The following ARHGEF3 variants were observed in gnomAD, a reference collection of about 807,000 sequenced individuals.
ARHGEF3 encodes the protein 59.8 kDA protein.
A neutral mutation model predicts 63.2 loss-of-function variants in ARHGEF3; 28 were observed. That is an observed-to-expected ratio of 0.44 (90% CI 0.33 to 0.61). The LOEUF (loss-of-function observed/expected upper bound fraction) is 0.61. ARHGEF3 is among the 20% of genes least tolerant of loss of function. The pLI is 0.03. For synonymous variants in ARHGEF3, 266 were observed against 254.2 expected (o/e 1.05, Z -0.44); for missense variants, 533 against 659.3 (o/e 0.81, Z 2.10).
intron 2 of ARHGEF3, among the ~76,000 whole-genome samples, chr3:56,771,587 T>A (rs1392307058): frequency 6.6e-6 from 1 of 152,144 alleles, no homozygotes; most frequent in East Asian, 1.9e-4. Context: ...GCTGCCTAGG[T>A]CTAGCTCATT....
intron 3 of ARHGEF3, among the ~76,000 whole-genome samples, chr3:56,924,396 TTAC>T (rs1469848917): frequency 6.6e-6 from 1 of 152,176 alleles, no homozygotes; most frequent in East Asian, 1.9e-4. Context: ...AGTCTCTGTG[TTAC>T]AGGAAAGGGG....
At chr3:56,947,988 T>C (rs1444741927) in intron 3 of ARHGEF3, among the ~76,000 whole-genome samples, 1 of 151,924 alleles carries the variant, frequency 6.6e-6, no homozygotes, top group Non-Finnish European at 1.5e-5. Flanking sequence ...TCAAAACCGC[T>C]CAACTACATG....
At chr3:56,939,528 C>A (rs560550003) in intron 3 of ARHGEF3, among the ~76,000 whole-genome samples, 1 of 152,280 alleles carries the variant, frequency 6.6e-6, no homozygotes, top group African/African-American at 2.4e-5. Flanking sequence ...CCTGACTGAA[C>A]CCCAATACTT....
intron 2 of ARHGEF3, among the ~76,000 whole-genome samples, chr3:56,989,477 G>A (rs550299240): frequency 3.3e-5 from 5 of 152,302 alleles, no homozygotes; most frequent in East Asian, 1.9e-4. Context: ...GAGACACTCC[G>A]AGCCAAAACT....
intron 3 of ARHGEF3, among the ~76,000 whole-genome samples, chr3:56,928,105 T>A (rs1242276192): frequency 2.0e-5 from 3 of 151,684 alleles, no homozygotes; most frequent in Non-Finnish European, 2.9e-5. Context: ...AGCAGGAGAG[T>A]ATTAACCAAC....
intron 7 of ARHGEF3, among the ~76,000 whole-genome samples, 195 bp from the exon 8 acceptor site, chr3:56,737,550 C>T (rs983933824): frequency 1.2e-4 from 18 of 151,090 alleles, no homozygotes; most frequent in Non-Finnish European, 2.4e-4. Flanking sequence ...TCCATCTGTA[C>T]ACATACACAC....
At chr3:57,048,026 A>G (rs1172158718) in intron 1 of ARHGEF3, among the ~76,000 whole-genome samples, 3 of 152,148 alleles carry the variant, frequency 2.0e-5, no homozygotes, top group Non-Finnish European at 4.4e-5. Context: ...GACCTGACTG[A>G]TAGTAACCCT....
intron 1 of ARHGEF3, among the ~76,000 whole-genome samples, chr3:57,036,776 C>T (rs1469366033): frequency 6.6e-6 from 1 of 152,232 alleles, no homozygotes; most frequent in Non-Finnish European, 1.5e-5. Context: ...CCATGTTCTT[C>T]TAAGCTAGTG....
intron 1 of ARHGEF3, among the ~76,000 whole-genome samples, chr3:57,037,853 C>T (rs1267580262): frequency 2.0e-5 from 3 of 151,630 alleles, no homozygotes; most frequent in East Asian, 1.9e-4. Context: ...CCAGCCTGGG[C>T]GACAGAGCAA....
chr3:56,981,907 C>G (rs1012816180), intron 2 of ARHGEF3, among the ~76,000 whole-genome samples: 3 of 152,188 alleles, frequency 2.0e-5, no homozygotes, highest in Non-Finnish European at 4.4e-5. Context: ...GGGGGATGCC[C>G]TCTCCCCTTT....
chr3:57,014,537 CTGAT>C (rs1476083212), intron 2 of ARHGEF3, among the ~76,000 whole-genome samples: 4 of 152,142 alleles, frequency 2.6e-5, no homozygotes, highest in Admixed American at 1.3e-4. Flanking sequence ...ACAATACTCA[CTGAT>C]TAACAGTATT....
intron 4 of ARHGEF3, among the ~76,000 whole-genome samples, chr3:56,836,177 A>T (rs890593173): frequency 6.6e-6 from 1 of 152,194 alleles, no homozygotes; most frequent in African/African-American, 2.4e-5. Flanking sequence ...AAACAGACTG[A>T]AAAACAGATG....
intron 3 of ARHGEF3, 91 bp downstream of exon 3, chr3:56,754,890 T>C: frequency 6.5e-7 from 1 of 1,532,756 alleles, no homozygotes; most frequent in South Asian, 1.2e-5. Context: ...AAGAATTGAT[T>C]TGGAGACTAA....
At chr3:57,073,382 G>A in intron 1 of ARHGEF3, 1 of 301,654 alleles carries the variant, frequency 3.3e-6, no homozygotes, top group Non-Finnish European at 6.1e-6. Context: ...GGGAAGGAAA[G>A]AGAGAGAAAG....
chr3:56,952,730 T>C (rs1245901613), intron 3 of ARHGEF3, among the ~76,000 whole-genome samples: 1 of 152,194 alleles, frequency 6.6e-6, no homozygotes, highest in Non-Finnish European at 1.5e-5. Flanking sequence ...GCTATTGTTT[T>C]AGTAATTACC....
intron 2 of ARHGEF3, among the ~76,000 whole-genome samples, chr3:56,964,933 C>T (rs55675701): frequency 0.14 from 20,728 of 152,090 alleles, 1,567 homozygotes; most frequent in East Asian, 0.25. Context: ...GGAAAGGACA[C>T]TAATAAATAC....
chr3:57,057,916 G>A (rs1006755981), intron 1 of ARHGEF3, among the ~76,000 whole-genome samples: 3 of 152,174 alleles, frequency 2.0e-5, no homozygotes, highest in African/African-American at 7.2e-5. Context: ...GAGAGTTGAG[G>A]AGGGGCCACT....
chr3:56,780,047 C>T (rs543044102), intron 1 of ARHGEF3, among the ~76,000 whole-genome samples: 2 of 152,280 alleles, frequency 1.3e-5, no homozygotes, highest in South Asian at 4.1e-4. Flanking sequence ...TATAAGTGAG[C>T]AAGCCAAGGT....
At chr3:57,069,660 T>A (rs985334608) in intron 1 of ARHGEF3, among the ~76,000 whole-genome samples, 1 of 151,474 alleles carries the variant, frequency 6.6e-6, no homozygotes, top group Non-Finnish European at 1.5e-5. Flanking sequence ...TTTTTTTTTC[T>A]TTTGAGACAG....
Sources: gnomAD v4.1 joint callset for allele counts (sites outside exome capture counted in the v4.1 genomes callset) on GRCh38, gnomAD v4.1.1 for gene constraint, MANE v1.5 for transcripts, NCBI Gene and HGNC (gene_info 2026-07-23, HGNC 2026-07-21) for gene names.